ZMIZ1: variants seen among roughly 807,000 people sequenced by gnomAD.
ZMIZ1 encodes the protein zinc finger MIZ-type containing 1.
A neutral mutation model predicts 113.9 loss-of-function variants in ZMIZ1; 17 were observed. The observed-to-expected ratio is 0.15, with a 90% CI of 0.10 to 0.22. The LOEUF is 0.22. ZMIZ1 is among the 10% of genes least tolerant of loss of function. ZMIZ1 has a pLI of 1.00. For synonymous variants in ZMIZ1, 607 were observed against 603.1 expected (o/e 1.01, Z -0.09); for missense variants, 1,059 against 1,477.8 (o/e 0.72, Z 4.65).
intron 7 of ZMIZ1, among the ~76,000 whole-genome samples, chr10:79,217,320 G>A (rs1848775581): frequency 6.6e-6 from 1 of 152,182 alleles, no homozygotes; most frequent in East Asian, 1.9e-4. Context: ...AGCTACTCAG[G>A]AGGTTGAGGC....
intron 1 of ZMIZ1, among the ~76,000 whole-genome samples, chr10:79,104,950 G>GGGGTGTGTGTGT (rs1190362797): frequency 2.0e-4 from 28 of 140,186 alleles, no homozygotes; most frequent in African/African-American, 6.6e-4. Flanking sequence ...GTTGTTGTGG[G>GGGGTGTGTGTGT]GTGTGTGTGT....
intron 4 of ZMIZ1, among the ~76,000 whole-genome samples, chr10:79,167,958 AG>A (rs1428136401): frequency 6.6e-6 from 1 of 152,150 alleles, no homozygotes; most frequent in Non-Finnish European, 1.5e-5. Flanking sequence ...CAAGGCTAGG[AG>A]GGAGAAGAGG....
At chr10:79,190,680 C>T (rs1274520047) in intron 4 of ZMIZ1, among the ~76,000 whole-genome samples, 1 of 152,198 alleles carries the variant, frequency 6.6e-6, no homozygotes, top group African/African-American at 2.4e-5. Flanking sequence ...CCCTGTGTGG[C>T]TAGGTAGAAA....
chr10:79,180,164 G>A (rs1466458981), intron 4 of ZMIZ1, among the ~76,000 whole-genome samples: 1 of 152,176 alleles, frequency 6.6e-6, no homozygotes. Flanking sequence ...TCCTGATCAG[G>A]GACAGCCCTC....
chr10:79,075,609 G>A (rs77829923), intron 1 of ZMIZ1, among the ~76,000 whole-genome samples: 6 of 96,796 alleles, frequency 6.2e-5, no homozygotes, highest in South Asian at 3.2e-4. Flanking sequence ...ACATGCAAAC[G>A]CATGCACACC....
chr10:79,306,485 T>G, intron 22 of ZMIZ1, 141 bp downstream of exon 22: 1 of 1,400,824 alleles, frequency 7.1e-7, no homozygotes, highest in Non-Finnish European at 9.6e-7. Context: ...CAAAAAACAA[T>G]TCCCAGTTTG....
intron 1 of ZMIZ1, among the ~76,000 whole-genome samples, chr10:79,112,293 C>A (rs966526049): frequency 6.6e-6 from 1 of 152,186 alleles, no homozygotes. Flanking sequence ...GTCGGACCCA[C>A]GCTCTGCACG....
At position 79,313,989 on chromosome 10, in the gene ZMIZ1, T is replaced by A. The variant is rs553262418; in HGVS notation, c.*1240T>A. ...CCCAGGCCATGGACATGTGCACCAG[T>A]ATGTACCTGCAGGCATGGGGGGGAG... On this transcript the variant is annotated 3_prime_UTR_variant, in exon 25 of 25. Transcript: ENST00000334512. The A allele has an allele frequency of 4.6e-5, 21 of 453,918 alleles. No homozygotes were observed. The highest frequency in any genetic ancestry group is 4.2e-4 in the African/African-American group (21 of 50,158). 28.1% of individuals were successfully genotyped at this position (453,918 alleles called of 1,614,324 possible). A position where few individuals can be genotyped will look rare whatever the true frequency, so the allele number is the denominator to read the frequency against.
intron 7 of ZMIZ1, among the ~76,000 whole-genome samples, chr10:79,239,457 C>A (rs1276309731): frequency 6.6e-6 from 1 of 152,216 alleles, no homozygotes; most frequent in Non-Finnish European, 1.5e-5. Context: ...TTGTCCACCT[C>A]ACCCTCCCTC....
intron 1 of ZMIZ1, among the ~76,000 whole-genome samples, chr10:79,082,633 C>T (rs372199122): frequency 2.0e-5 from 3 of 152,256 alleles, no homozygotes; most frequent in Non-Finnish European, 4.4e-5. Context: ...TCCTCCCAGC[C>T]TCACTGGCTT....
intron 4 of ZMIZ1, among the ~76,000 whole-genome samples, chr10:79,200,598 C>T (rs747752509): frequency 6.6e-6 from 1 of 152,224 alleles, no homozygotes; most frequent in Non-Finnish European, 1.5e-5. Flanking sequence ...AGTCAGGAAC[C>T]CTGGCTCCTG....
At position 79,291,153 on chromosome 10, in the gene ZMIZ1, C is replaced by A; in HGVS notation, c.735C>A (p.Pro245=). 1 of 1,611,446 alleles carries A rather than the reference C, an allele frequency of 6.2e-7. No individual in the cohort carries two copies. The highest frequency in any genetic ancestry group is 8.5e-7 in the Non-Finnish European group (1 of 1,178,082). The part of the protein sequence containing the change: ...QQSMYGRPNY[P]GSGGFGASYP... ...GCATGTATGGCCGGCCCAACTACCCCGGCAGCGGGGGCTTTGGGGCCAGGT... is the reference window on the plus strand; with the variant it reads ...GCATGTATGGCCGGCCCAACTACCCAGGCAGCGGGGGCTTTGGGGCCAGGT... Residue 245 remains proline, a synonymous_variant, in exon 10 of 25, where the codon CCC becomes CCA. Coordinates refer to ENST00000334512, the MANE Select transcript of ZMIZ1 (RefSeq NM_020338.4).
In ZMIZ1 at chr10:79,282,443, G is replaced by A. The variant is rs1469625704; in HGVS notation, c.425+5118G>A. On this transcript the variant is annotated intron_variant, in intron 8 of 24. Coordinates refer to ENST00000334512, the MANE Select transcript of ZMIZ1 (RefSeq NM_020338.4). ...CGAACAAATGGGAGAGGATGAGGGA[G>A]CCTGGACACTTGCAGCCCCGCCCTG... Among the ~76,000 whole-genome samples, 6 of 152,192 alleles carry A rather than the reference G, an allele frequency of 3.9e-5. No homozygotes were observed. The East Asian group carries it at 1.2e-3, about 29-fold the overall frequency.
chr10:79,083,334 G>T (rs984890886), intron 1 of ZMIZ1, among the ~76,000 whole-genome samples: 11 of 152,314 alleles, frequency 7.2e-5, no homozygotes, highest in Admixed American at 2.0e-4. Flanking sequence ...AGTGGGAACA[G>T]CATGTGCAAA....
chr10:79,085,024 G>A (rs1441976969), intron 1 of ZMIZ1, among the ~76,000 whole-genome samples: 4 of 152,152 alleles, frequency 2.6e-5, no homozygotes, highest in African/African-American at 4.8e-5. Context: ...TGGCTCTGCC[G>A]GACGCTGCCC....
intron 18 of ZMIZ1, 110 bp from the exon 19 acceptor site, chr10:79,303,905 A>AG: frequency 6.8e-7 from 1 of 1,463,720 alleles, no homozygotes; most frequent in Non-Finnish European, 9.3e-7. Context: ...GGCTGGGAGG[A>AG]GAACCAGGAC....
chr10:79,311,277 C>CG, intron 24 of ZMIZ1, 93 bp downstream of exon 24: 2 of 776,970 alleles, frequency 2.6e-6, no homozygotes, highest in Admixed American at 3.7e-5. Flanking sequence ...CTCGAGGCCC[C>CG]GAAGGGAGGA....
At chr10:79,114,613 AT>A (rs1397505232) in intron 1 of ZMIZ1, among the ~76,000 whole-genome samples, 1 of 151,140 alleles carries the variant, frequency 6.6e-6, no homozygotes, top group Non-Finnish European at 1.5e-5. Context: ...GAGCAAGATA[AT>A]TGCTTTTCCG....
intron 1 of ZMIZ1, among the ~76,000 whole-genome samples, chr10:79,075,181 G>A (rs1462672867): frequency 1.3e-5 from 2 of 152,174 alleles, no homozygotes; most frequent in Non-Finnish European, 1.5e-5. Context: ...CTTGAGTGAT[G>A]GTGGGTGTCG....
Sources: allele counts gnomAD v4.1 joint callset (sites outside exome capture counted in the v4.1 genomes callset), GRCh38; gene constraint gnomAD v4.1.1; transcripts MANE v1.5; gene names NCBI Gene and HGNC (gene_info 2026-07-23, HGNC 2026-07-21).